The following CFAP299 variants were observed in gnomAD, a reference collection of about 807,000 sequenced individuals.
The protein encoded by CFAP299 is cilia and flagella associated protein 299.
CFAP299 carries 21 observed loss-of-function variants against 27.0 expected under a neutral mutation model. The observed-to-expected ratio is 0.78, with a 90% CI of 0.55 to 1.12. The LOEUF is 1.12. CFAP299 is among the 50% of genes most tolerant of loss of function. CFAP299 has a pLI of 0.00. For missense variants in CFAP299, 310 were observed against 276.6 expected (o/e 1.12, Z -0.86); for synonymous variants, 104 against 98.1 (o/e 1.06, Z -0.36).
intron 4 of CFAP299, among the ~76,000 whole-genome samples, chr4:80,910,099 A>G (rs1053780431): frequency 6.6e-6 from 1 of 152,180 alleles, no homozygotes; most frequent in African/African-American, 2.4e-5. Flanking sequence ...TTAGCACACC[A>G]AAGTTCACAT....
intron 2 of CFAP299, among the ~76,000 whole-genome samples, chr4:80,431,410 TCCTCCCTCCTTTTTTCCCTTCCTC>T (rs1250666713): frequency 6.9e-6 from 1 of 144,690 alleles, no homozygotes; most frequent in Non-Finnish European, 1.5e-5. Flanking sequence ...CTTTCTTCCT[TCCTCCCTCCTTTTTTCCCTTCCTC>T]CCTTCCTTTC....
chr4:80,902,482 G>GTATATATACATATATATGGA (rs1560469759), intron 4 of CFAP299, among the ~76,000 whole-genome samples: 2 of 114,244 alleles, frequency 1.8e-5, no homozygotes, highest in Non-Finnish European at 3.2e-5. Flanking sequence ...ATGTATATAT[G>GTATATATACATATATATGGA]TATATATACA....
chr4:80,764,219 T>C (rs1156729501), intron 3 of CFAP299, among the ~76,000 whole-genome samples: 1 of 152,110 alleles, frequency 6.6e-6, no homozygotes, highest in African/African-American at 2.4e-5. Flanking sequence ...AAAGGGCTAA[T>C]ATCCAGAGTC....
rs149582305 is a variant in CFAP299, at chr4:80,919,257, A to G, written c.477-25553A>G. ...GAAAGATTTCCAGATCCCACAATTC[A>G]GGTTATAATACAATGTATTATGTCA... On this transcript the variant is annotated intron_variant, in intron 4 of 5. Coordinates refer to ENST00000358105, the MANE Select transcript of CFAP299 (RefSeq NM_152770.3). 4.2e-4 allele frequency among the ~76,000 whole-genome samples: 64 copies of G among 152,278 alleles called. 1 individual carries two copies. The highest frequency in any genetic ancestry group is 1.4e-3 in the African/African-American group (59 of 41,568).
At position 80,870,481 on chromosome 4, in the gene CFAP299, T is replaced by G. The variant is rs1427915336; in HGVS notation, c.476+346T>G. 5 of 995,446 alleles carry G rather than the reference T, an allele frequency of 5.0e-6. No individual in the cohort carries two copies. The East Asian group carries it at 4.3e-4, about 86-fold the overall frequency. The allele number at this position is 995,446 out of a possible 1,614,324, so 61.7% of individuals were successfully genotyped here. On this transcript the variant is annotated intron_variant, in intron 4 of 5. Transcript: ENST00000358105. ...TCAAGAACTGCTCATCTAACATGTT[T>G]TCCTCCACTTTTCTTTGGTCACCAG... is the stretch of plus-strand genomic sequence containing the variant.
the CFAP299 span, among the ~76,000 whole-genome samples, chr4:80,327,049 A>G: frequency 6.6e-6 from 1 of 152,160 alleles, no homozygotes; most frequent in Non-Finnish European, 1.5e-5. Flanking sequence ...TATCTTTACT[A>G]CATAGAGTCT....
intron 3 of CFAP299, among the ~76,000 whole-genome samples, chr4:80,632,127 G>T (rs1203150611): frequency 1.3e-5 from 2 of 151,934 alleles, no homozygotes. Context: ...ATTTCTGTTG[G>T]TTATAAGTCA....
chr4:80,517,014 G>C lies in CFAP299; in HGVS notation c.243-66079G>C, dbSNP rs371272898. Among the ~76,000 whole-genome samples the C allele has an allele frequency of 3.9e-5, 6 of 152,206 alleles. No individual in the cohort carries two copies. In the South Asian group the frequency reaches 8.3e-4, roughly 21 times the overall value. Reference sequence around the variant, plus strand: ...AGTTCAGGGCTTTGGTATAATAAACGCTTAGTAAATATGTATTGAATGAAT... The same window carrying C: ...AGTTCAGGGCTTTGGTATAATAAACCCTTAGTAAATATGTATTGAATGAAT... On this transcript the variant is annotated intron_variant, in intron 2 of 5. Transcript: ENST00000358105.
chr4:80,609,664 G>T (rs1387933960), intron 3 of CFAP299, among the ~76,000 whole-genome samples: 1 of 151,738 alleles, frequency 6.6e-6, no homozygotes. Context: ...CAATTAATGT[G>T]TACCACTTTT....
chr4:80,637,302 T>C (rs1215905553), intron 3 of CFAP299, among the ~76,000 whole-genome samples: 3 of 152,170 alleles, frequency 2.0e-5, no homozygotes, highest in African/African-American at 4.8e-5. Flanking sequence ...ATAATAGATA[T>C]AATATAATGT....
chr4:80,756,647 C>T (rs962722964), intron 3 of CFAP299, among the ~76,000 whole-genome samples: 6 of 151,970 alleles, frequency 3.9e-5, no homozygotes, highest in African/African-American at 1.4e-4. Flanking sequence ...TAAAGTAGAA[C>T]AAAGCCACAC....
intron 4 of CFAP299, among the ~76,000 whole-genome samples, chr4:80,942,831 A>G (rs1429202556): frequency 6.6e-6 from 1 of 152,204 alleles, no homozygotes; most frequent in Admixed American, 6.5e-5. Flanking sequence ...TCACACCCAT[A>G]TTCCCCACTC....
intron 5 of CFAP299, among the ~76,000 whole-genome samples, chr4:80,949,880 T>C (rs937374980): frequency 3.9e-5 from 6 of 151,928 alleles, no homozygotes; most frequent in Non-Finnish European, 7.4e-5. Flanking sequence ...AGGATGAAAG[T>C]TGGGCTTTAA....
chr4:80,840,874 T>C (rs1730825408), intron 3 of CFAP299, among the ~76,000 whole-genome samples: 1 of 152,106 alleles, frequency 6.6e-6, no homozygotes, highest in African/African-American at 2.4e-5. Context: ...CCACCTCCTT[T>C]CTTTTATGTA....
intron 2 of CFAP299, among the ~76,000 whole-genome samples, chr4:80,491,306 G>A (rs530238665): frequency 6.6e-6 from 1 of 151,962 alleles, no homozygotes; most frequent in East Asian, 1.9e-4. Context: ...ATAAAATAAA[G>A]GTAGTAAATT....
intron 3 of CFAP299, among the ~76,000 whole-genome samples, chr4:80,693,956 C>G (rs1054154716): frequency 6.6e-6 from 1 of 151,858 alleles, no homozygotes; most frequent in Admixed American, 6.6e-5. Context: ...TCATAAAAAG[C>G]CAAATGTAGT....
In CFAP299 at chr4:80,684,620, A is replaced by T. The variant is rs555385569; in HGVS notation, c.333+101437A>T. On this transcript the variant is annotated intron_variant, in intron 3 of 5. Transcript: ENST00000358105. ...TACCTATTAAACACTGGTTTAATGC[A>T]TTAGAATCAAAGAGTCATTATAGTA... Among the ~76,000 whole-genome samples, 15 of 152,320 alleles carry T rather than the reference A, an allele frequency of 9.8e-5. No homozygotes were observed. In the East Asian group the frequency reaches 2.9e-3, roughly 29 times the overall value.
chr4:80,944,994 G>GCCA, intron 5 of CFAP299, 55 bp downstream of exon 5: 1 of 1,498,912 alleles, frequency 6.7e-7, no homozygotes, highest in Non-Finnish European at 9.2e-7. Context: ...TTGTATTTCT[G>GCCA]CCACTATTCA....
At chr4:80,409,098 T>C (rs1352938521) in intron 2 of CFAP299, among the ~76,000 whole-genome samples, 1 of 151,460 alleles carries the variant, frequency 6.6e-6, no homozygotes, top group Non-Finnish European at 1.5e-5. Context: ...GTTAGGAAAC[T>C]ATATAATTCT....
Sources: allele counts gnomAD v4.1 joint callset (sites outside exome capture counted in the v4.1 genomes callset), GRCh38; gene constraint gnomAD v4.1.1; transcripts MANE v1.5; gene names NCBI Gene and HGNC (gene_info 2026-07-23, HGNC 2026-07-21).